The following MYO5B variants were observed in gnomAD, a reference collection of about 807,000 sequenced individuals.
MYO5B encodes myosin VB.
Under a neutral mutation model 229.3 loss-of-function variants are expected in MYO5B, and 143 were observed. The ratio of observed to expected loss-of-function variants is 0.62; its 90% CI spans 0.54 to 0.72. MYO5B has a LOEUF of 0.72. MYO5B is among the 30% of genes least tolerant of loss of function. MYO5B has a pLI of 0.00. For synonymous variants in MYO5B, 918 were observed against 885.2 expected, an observed-to-expected ratio of 1.04 and a Z score of -0.66; for missense variants, 2,321 against 2,331.0, an observed-to-expected ratio of 1.00 and a Z score of 0.09.
intron 3 of MYO5B, among the ~76,000 whole-genome samples, chr18:50,039,175 C>CA (rs1358648358): frequency 2.0e-5 from 3 of 152,166 alleles, no homozygotes; most frequent in Non-Finnish European, 2.9e-5. Context: ...CAAAGGAGCC[C>CA]AGCAGCCGGA....
rs529396014 is a variant in MYO5B, at chr18:50,114,512, A to T, written c.28-59134T>A. ...TTCCCAGGATAGCTGCCTTCTAATT[A>T]AGAGGTAACTTAGGCCTTGGAGAGA... is the stretch of plus-strand genomic sequence containing the variant. On this transcript the variant is annotated intron_variant, in intron 1 of 39. Coordinates refer to ENST00000285039, the MANE Select transcript of MYO5B (RefSeq NM_001080467.3). Among the ~76,000 whole-genome samples the T allele has an allele frequency of 2.0e-5, 3 of 152,338 alleles. No individual in the cohort carries two copies. In the South Asian group the frequency reaches 6.2e-4, roughly 32 times the overall value.
chr18:49,834,350 A>T (rs1482650865), intron 39 of MYO5B, among the ~76,000 whole-genome samples: 1 of 152,130 alleles, frequency 6.6e-6, no homozygotes, highest in Non-Finnish European at 1.5e-5. Context: ...TCACTGGCCA[A>T]CAAGGTCATT....
chr18:50,058,521 ACACAGTAGGCCGGG>A (rs1368359034), intron 1 of MYO5B, among the ~76,000 whole-genome samples: 1 of 151,922 alleles, frequency 6.6e-6, no homozygotes, highest in Non-Finnish European at 1.5e-5. Context: ...CATTTTAAAA[ACACAGTAGGCCGGG>A]CACAGTGGCT....
chr18:49,884,820 C>T lies in MYO5B; in HGVS notation c.3046-4365G>A, dbSNP rs201164926. On this transcript the variant is annotated intron_variant, in intron 22 of 39. Transcript: ENST00000285039. ...TAAAAAGACAACCCAATTTTAAAAACGGGCAAAGAACTGAAATAGACATTT... is the reference window on the plus strand; with the variant it reads ...TAAAAAGACAACCCAATTTTAAAAATGGGCAAAGAACTGAAATAGACATTT... Among the ~76,000 whole-genome samples the T allele has an allele frequency of 9.2e-5, 14 of 152,180 alleles. No homozygotes were observed. In the East Asian group the frequency reaches 1.2e-3, roughly 13 times the overall value.
chr18:50,187,618 CAA>C, intron 1 of MYO5B, among the ~76,000 whole-genome samples: 1 of 152,152 alleles, frequency 6.6e-6, no homozygotes, highest in Admixed American at 6.5e-5. Context: ...CAGGCTCAAG[CAA>C]TCCTCCCACC....
intron 1 of MYO5B, among the ~76,000 whole-genome samples, chr18:50,152,838 A>T (rs1035834067): frequency 6.7e-6 from 1 of 150,090 alleles, no homozygotes; most frequent in African/African-American, 2.5e-5. Flanking sequence ...GTGTTCATTA[A>T]AAGAAATAGT....
At chr18:50,085,181 T>TA (rs2031304561) in intron 1 of MYO5B, among the ~76,000 whole-genome samples, 3 of 152,134 alleles carry the variant, frequency 2.0e-5, no homozygotes, top group Admixed American at 2.0e-4. Flanking sequence ...AAAGGGCTAA[T>TA]ACCCAGAATC....
chr18:50,007,278 T>C (rs2026112031), intron 4 of MYO5B, among the ~76,000 whole-genome samples: 1 of 152,202 alleles, frequency 6.6e-6, no homozygotes, highest in Non-Finnish European at 1.5e-5. Flanking sequence ...TAAGAGGCAC[T>C]GGGGATTTCT....
chr18:49,956,297 G>T (rs1350492280), intron 12 of MYO5B, among the ~76,000 whole-genome samples: 1 of 152,180 alleles, frequency 6.6e-6, no homozygotes, highest in Non-Finnish European at 1.5e-5. Context: ...AATCATGTCA[G>T]CTAGGTGCTA....
chr18:49,998,997 CT>C (rs1306353025), intron 5 of MYO5B, among the ~76,000 whole-genome samples: 1 of 152,156 alleles, frequency 6.6e-6, no homozygotes, highest in African/African-American at 2.4e-5. Flanking sequence ...AAATGGTAAA[CT>C]TTATGCTATG....
chr18:50,144,410 G>C (rs1267694978), intron 1 of MYO5B, among the ~76,000 whole-genome samples: 2 of 151,942 alleles, frequency 1.3e-5, no homozygotes, highest in Non-Finnish European at 2.9e-5. Context: ...CCTTTTTTTG[G>C]TTTGAGCTTG....
Position 49,912,090 on chromosome 18 carries a change from C to A in MYO5B, c.2174G>T (p.Cys725Phe). The A allele has an allele frequency of 6.2e-7, 1 of 1,614,128 alleles. No individual in the cohort carries two copies. The highest frequency in any genetic ancestry group is 8.5e-7 in the Non-Finnish European group (1 of 1,179,988). The change falls in exon 18 of 40, where the codon TGC becomes TTC. Residue 725 changes from cysteine (C) to phenylalanine (F), a missense_variant. Physicochemically the swap from Cys to Phe is radical, Grantham distance 205. Around this residue, in one of 2 missense-constraint regions of MYO5B, gnomAD observed 2,113 missense variants for 2,044.7 expected, o/e 1.03. Coordinates refer to ENST00000285039, the MANE Select transcript of MYO5B (RefSeq NM_001080467.3). ...GATGAGGTTCTCCAGGACAGACCTGCAGATGGCCTTTTTGTCTGTGTTGGC... is the reference window on the plus strand; with the variant it reads ...GATGAGGTTCTCCAGGACAGACCTGAAGATGGCCTTTTTGTCTGTGTTGGC... Reference protein sequence around the residue: ...ELANTDKKAICRSVLENLIKD... With the variant: ...ELANTDKKAIFRSVLENLIKD...
At position 49,902,850 on chromosome 18, in the gene MYO5B, A is replaced by G. The variant is rs1162900595; in HGVS notation, c.2572-17T>C. ...CATGAGGACCTGGCGGGAAACAAGG[A>G]TACACATCTTGTGGGTTTGCACTGC... On this transcript the variant is annotated splice_polypyrimidine_tract_variant and intron_variant, in intron 20 of 39. Transcript: ENST00000285039. The G allele has an allele frequency of 6.3e-7, 1 of 1,598,370 alleles. No homozygotes were observed. Among genetic ancestry groups the G allele is most frequent in the Non-Finnish European group, 8.5e-7 (1 of 1,179,554 alleles).
intron 4 of MYO5B, among the ~76,000 whole-genome samples, chr18:50,002,035 CAAA>C (rs34864756): frequency 5.4e-5 from 7 of 129,364 alleles, no homozygotes; most frequent in African/African-American, 1.5e-4. Flanking sequence ...AACTCCGTCT[CAAA>C]AAAAAAAAAA....
chr18:50,059,356 G>A (rs1482749456), intron 1 of MYO5B, among the ~76,000 whole-genome samples: 1 of 152,176 alleles, frequency 6.6e-6, no homozygotes, highest in Non-Finnish European at 1.5e-5. Flanking sequence ...ATAAAAATAT[G>A]CCCTAATGGG....
In MYO5B at chr18:49,929,509, T is replaced by C; in HGVS notation, c.2090+3A>G. 1 of 1,604,480 alleles carries C rather than the reference T, an allele frequency of 6.2e-7. No homozygotes were observed. The highest frequency in any genetic ancestry group is 8.5e-7 in the Non-Finnish European group (1 of 1,176,534). On this transcript the variant is annotated splice_donor_region_variant and intron_variant, in intron 17 of 39. Transcript: ENST00000285039. Reference sequence around the variant, plus strand: ...GGAGGCAGCTGGCGGGCACGTTAGTTACCTGGATGGGTAGCCAGCTGCACT... The same window carrying C: ...GGAGGCAGCTGGCGGGCACGTTAGTCACCTGGATGGGTAGCCAGCTGCACT...
At chr18:50,018,290 A>ACT (rs371555823) in intron 4 of MYO5B, among the ~76,000 whole-genome samples, 2 of 146,650 alleles carry the variant, frequency 1.4e-5, no homozygotes, top group Admixed American at 6.8e-5. Flanking sequence ...ACATATACCC[A>ACT]TTTTTTTTTT....
chr18:50,192,183 T>G (rs2033237678), intron 1 of MYO5B, among the ~76,000 whole-genome samples: 1 of 152,208 alleles, frequency 6.6e-6, no homozygotes, highest in Non-Finnish European at 1.5e-5. Context: ...CTTACATGAT[T>G]CTGACCGAAA....
Position 49,963,415 on chromosome 18 carries a change from A to ATTT in MYO5B, c.1323-386_1323-385insAAA, listed in dbSNP as rs1555647596. 6.2e-3 allele frequency among the ~76,000 whole-genome samples: 920 copies of ATTT among 148,010 alleles called. 8 individuals are homozygous for ATTT. Among genetic ancestry groups the ATTT allele is most frequent in the African/African-American group, 0.022 (839 of 38,912 alleles). On this transcript the variant is annotated intron_variant, in intron 10 of 39. Coordinates refer to ENST00000285039, the MANE Select transcript of MYO5B (RefSeq NM_001080467.3). ...ACTTATTTAATTTAATTAATTAATTAATTTATTTATTTATTTATTTATTTT... is the reference window on the plus strand; with the variant it reads ...ACTTATTTAATTTAATTAATTAATTATTTATTTATTTATTTATTTATTTATTTT...
Sources: allele counts gnomAD v4.1 joint callset (sites outside exome capture counted in the v4.1 genomes callset), GRCh38; gene constraint gnomAD v4.1.1; regional missense constraint gnomAD v4.1.1; transcripts MANE v1.5; gene names NCBI Gene and HGNC (gene_info 2026-07-23, HGNC 2026-07-21).